CILK1: variants seen among roughly 807,000 people sequenced by gnomAD.
The protein encoded by CILK1 is serine/threonine-protein kinase ICK.
In CILK1, 47 loss-of-function variants were observed where a neutral mutation model predicts 79.2. The observed-to-expected ratio is 0.59, with a 90% CI of 0.47 to 0.76. The LOEUF is 0.76. Ranked by LOEUF, CILK1 falls within the 30% of genes least tolerant of loss-of-function variation. The pLI is 0.00. For missense variants in CILK1, 660 were observed against 769.5 expected (o/e 0.86, Z 1.68); for synonymous variants, 266 against 275.9 (o/e 0.96, Z 0.36).
At chr6:53,006,476 A>G in intron 12 of CILK1, 39 bp from the exon 13 acceptor site, 2 of 1,608,256 alleles carry the variant, frequency 1.2e-6, no homozygotes, top group Non-Finnish European at 1.7e-6. Context: ...TTACAAAGAC[A>G]TGTACCCAGG....
chr6:53,017,222 GA>G (rs2127416598), intron 7 of CILK1, among the ~76,000 whole-genome samples: 1 of 152,274 alleles, frequency 6.6e-6, no homozygotes, highest in African/African-American at 2.4e-5. Context: ...TTTTTTTGAG[GA>G]TCTAGTTTGC....
chr6:53,028,440 A>C (rs1765720067), intron 5 of CILK1, among the ~76,000 whole-genome samples: 1 of 152,096 alleles, frequency 6.6e-6, no homozygotes, highest in Admixed American at 6.5e-5. Flanking sequence ...ACTAATCTCC[A>C]CTCAACCACT....
At chr6:53,016,019 G>T in intron 8 of CILK1, 64 bp downstream of exon 8, 1 of 1,472,494 alleles carries the variant, frequency 6.8e-7, no homozygotes, top group Non-Finnish European at 9.5e-7. Context: ...AATATTTCCT[G>T]TGCAATTCAT....
rs765499188 is a variant in CILK1 at position 53,041,147 on chromosome 6, G to A, written c.90C>T (p.Ile30=). The A allele has an allele frequency of 6.2e-6, 10 of 1,610,142 alleles. No homozygotes were observed. The highest frequency in any genetic ancestry group is 8.5e-6 in the Non-Finnish European group (10 of 1,176,480). Residue 30 remains isoleucine, a synonymous_variant, in exon 2 of 14, where the codon ATC becomes ATT. Coordinates refer to ENST00000676107, the MANE Select transcript of CILK1 (RefSeq NM_014920.5). ...LGRSIESGEL[I]AIKKMKRKFY... ...AGGATCAAACTTACTTTTTAATAGC[G>A]ATCAGCTCCCCAGACTCAATGCTTC...
At chr6:53,022,838 T>C (rs1286488385) in intron 5 of CILK1, among the ~76,000 whole-genome samples, 1 of 152,190 alleles carries the variant, frequency 6.6e-6, no homozygotes, top group Non-Finnish European at 1.5e-5. Context: ...TTCTAAGGAT[T>C]CAGAAACAAT....
intron 8 of CILK1, among the ~76,000 whole-genome samples, chr6:53,015,671 A>T (rs182471410): frequency 1.3e-5 from 2 of 152,348 alleles, no homozygotes; most frequent in Non-Finnish European, 2.9e-5. Flanking sequence ...TCATCTGTCA[A>T]TCTCTTCAGG....
intron 1 of CILK1, 50 bp downstream of exon 1, chr6:53,061,546 C>G (rs1768461505): frequency 6.6e-6 from 1 of 152,534 alleles, no homozygotes; most frequent in South Asian, 2.1e-4. Context: ...GCAGCTACTA[C>G]AGTGACAGGT....
chr6:53,047,398 A>G (rs1767154527), intron 1 of CILK1, among the ~76,000 whole-genome samples: 1 of 149,232 alleles, frequency 6.7e-6, no homozygotes, highest in South Asian at 2.1e-4. Flanking sequence ...TCAACCTCCT[A>G]GGCCCAAGTA....
chr6:53,042,132 G>A (rs1766760421), intron 1 of CILK1, among the ~76,000 whole-genome samples: 1 of 152,188 alleles, frequency 6.6e-6, no homozygotes, highest in Admixed American at 6.5e-5. Flanking sequence ...CTATTGATAA[G>A]TTAAATGAGG....
intron 2 of CILK1, among the ~76,000 whole-genome samples, chr6:53,039,303 T>G (rs1184735982): frequency 6.6e-6 from 1 of 152,194 alleles, no homozygotes; most frequent in Non-Finnish European, 1.5e-5. Flanking sequence ...ACGGGAGCAG[T>G]GGCTCAGCCA....
In CILK1 at chr6:53,016,385, T is replaced by C. The variant is rs1365602963; in HGVS notation, c.664-135A>G. 4 of 775,930 alleles carry C rather than the reference T, an allele frequency of 5.2e-6. No homozygotes were observed. In the Admixed American group the frequency reaches 5.7e-5, roughly 11 times the overall value. The allele number at this position is 775,930 out of a possible 1,614,324, so 48.1% of individuals were successfully genotyped here. A position where few individuals can be genotyped will look rare whatever the true frequency, so the allele number is the denominator to read the frequency against. ...ACATTCATTAACCACCCACATTCACTACTGTGGCACTGTATGGAATGAGAC... is the reference window on the plus strand; with the variant it reads ...ACATTCATTAACCACCCACATTCACCACTGTGGCACTGTATGGAATGAGAC... On this transcript the variant is annotated intron_variant, in intron 7 of 13. Coordinates refer to ENST00000676107, the MANE Select transcript of CILK1 (RefSeq NM_014920.5).
At chr6:53,060,023 T>C (rs1487353392) in intron 1 of CILK1, among the ~76,000 whole-genome samples, 1 of 152,188 alleles carries the variant, frequency 6.6e-6, no homozygotes, top group Non-Finnish European at 1.5e-5. Flanking sequence ...GATGACTCAT[T>C]GATACAGAGG....
At chr6:53,038,558 T>A (rs1481613986) in intron 2 of CILK1, among the ~76,000 whole-genome samples, 2 of 152,224 alleles carry the variant, frequency 1.3e-5, no homozygotes, top group African/African-American at 4.8e-5. Context: ...CACCACCATC[T>A]GTTTCTGTAC....
intron 1 of CILK1, among the ~76,000 whole-genome samples, chr6:53,056,110 G>A (rs1053774297): frequency 2.6e-5 from 4 of 152,144 alleles, no homozygotes; most frequent in African/African-American, 9.7e-5. Flanking sequence ...GTAGCTGGAC[G>A]TTACACAATA....
intron 1 of CILK1, among the ~76,000 whole-genome samples, chr6:53,059,216 G>T (rs1191113612): frequency 6.6e-6 from 1 of 152,134 alleles, no homozygotes; most frequent in Non-Finnish European, 1.5e-5. Flanking sequence ...CACAACTCGG[G>T]GGTGAAACTG....
chr6:53,009,635 A>C, intron 11 of CILK1, 68 bp from the exon 12 acceptor site: 1 of 1,344,776 alleles, frequency 7.4e-7, no homozygotes, highest in Admixed American at 1.7e-5. Context: ...TACAAAGATA[A>C]AATTAATGCA....
In CILK1 at chr6:53,032,662, G is replaced by T. The variant is rs955825139; in HGVS notation, c.157-8C>A. 4 of 1,596,280 alleles carry T rather than the reference G, an allele frequency of 2.5e-6. No homozygotes were observed. Among genetic ancestry groups the T allele is most frequent in the Non-Finnish European group, 2.6e-6 (3 of 1,167,790 alleles). On this transcript the variant is annotated splice_polypyrimidine_tract_variant and splice_region_variant and intron_variant, in intron 3 of 13. Coordinates refer to ENST00000676107, the MANE Select transcript of CILK1 (RefSeq NM_014920.5). ...GTTGAGCTTCTTTAAAGACTAAAAGGCAAGGAATAAACACAAAACAAAACA... is the reference window on the plus strand; with the variant it reads ...GTTGAGCTTCTTTAAAGACTAAAAGTCAAGGAATAAACACAAAACAAAACA...
chr6:53,043,319 A>T (rs747373309), intron 1 of CILK1, among the ~76,000 whole-genome samples: 73 of 150,070 alleles, frequency 4.9e-4, no homozygotes, highest in Non-Finnish European at 9.0e-4. Flanking sequence ...TGGTCTCAAA[A>T]ATATATATAT....
intron 8 of CILK1, among the ~76,000 whole-genome samples, 200 bp downstream of exon 8, chr6:53,015,883 C>G (rs888327160): frequency 1.3e-5 from 2 of 152,124 alleles, no homozygotes; most frequent in African/African-American, 4.8e-5. Context: ...TTCAAAGCAA[C>G]TATATTGTTT....
Sources: gnomAD v4.1 joint callset for allele counts (sites outside exome capture counted in the v4.1 genomes callset) on GRCh38, gnomAD v4.1.1 for gene constraint, MANE v1.5 for transcripts, NCBI Gene and HGNC (gene_info 2026-07-23, HGNC 2026-07-21) for gene names.